The following SLC39A10 variants were observed in gnomAD, a reference collection of about 807,000 sequenced individuals.
SLC39A10 encodes the protein solute carrier family 39 member 10.
In SLC39A10, 13 loss-of-function variants were observed where a neutral mutation model predicts 65.1. The observed-to-expected ratio is 0.20, with a 90% CI of 0.13 to 0.32. SLC39A10 has a LOEUF of 0.32. Ranked by LOEUF, SLC39A10 falls within the 10% of genes least tolerant of loss-of-function variation. The pLI is 1.00. For synonymous variants in SLC39A10, 321 were observed against 342.2 expected, an observed-to-expected ratio of 0.94 and a Z score of 0.68; for missense variants, 831 against 1,018.4, an observed-to-expected ratio of 0.82 and a Z score of 2.50.
intron 2 of SLC39A10, among the ~76,000 whole-genome samples, chr2:195,625,519 C>G (rs953761452): frequency 5.3e-5 from 8 of 151,814 alleles, no homozygotes; most frequent in Non-Finnish European, 1.2e-4. Flanking sequence ...TCAGGTGATC[C>G]GCCCGCCTCG....
Position 195,683,708 on chromosome 2 carries a change from G to A in SLC39A10, c.1018G>A (p.Val340Ile), listed in dbSNP as rs770412859. The change falls in exon 3 of 10, where the codon GTC becomes ATC. Residue 340 changes from valine (V) to isoleucine (I), a missense_variant. By Grantham distance (29) the Val-to-Ile change is conservative. Transcript: ENST00000359634. ...ATCACTTTCCTTGCAGTGTTTGAAC[G>A]TCACTCAGTTATTAAAATACTATGG... ...EDDHHHECLNVTQLLKYYGHG... is the reference protein window; with the variant it reads ...EDDHHHECLNITQLLKYYGHG... The A allele has an allele frequency of 5.6e-6, 9 of 1,612,034 alleles. No individual in the cohort carries two copies. Among genetic ancestry groups the A allele is most frequent in the East Asian group, 2.2e-5 (1 of 44,806 alleles).
rs559890190 is a variant in SLC39A10, at chr2:195,684,854, G to C, written c.1216+948G>C. On this transcript the variant is annotated intron_variant, in intron 3 of 9. Transcript: ENST00000359634. ...TAAAATGCAAAGAGATTCTGACACA[G>C]AATTTTTTCTTTATAGTGATAGCTA... 1.8e-4 allele frequency among the ~76,000 whole-genome samples: 28 copies of C among 152,172 alleles called. No homozygotes were observed. The South Asian group carries it at 5.2e-3, about 28-fold the overall frequency.
chr2:195,653,554 A>G (rs957553020), upstream of SLC39A10, among the ~76,000 whole-genome samples: 3 of 152,006 alleles, frequency 2.0e-5, no homozygotes, highest in African/African-American at 4.8e-5. Context: ...CTTGGCCTCC[A>G]TAAGTGCTGG....
chr2:195,613,369 A>ATGCT (rs1688140102), intron 2 of SLC39A10, among the ~76,000 whole-genome samples: 1 of 152,136 alleles, frequency 6.6e-6, no homozygotes, highest in Admixed American at 6.5e-5. Context: ...CTTTGTTACT[A>ATGCT]TGCTTGTGCA....
chr2:195,634,033 T>A (rs1688649277), intron 2 of SLC39A10, among the ~76,000 whole-genome samples: 1 of 152,240 alleles, frequency 6.6e-6, no homozygotes, highest in South Asian at 2.1e-4. Flanking sequence ...GAAATTCAGA[T>A]TCAAAATCTT....
In SLC39A10 at chr2:195,616,116, G is replaced by A. The variant is rs903707830; in HGVS notation, c.-12+9883G>A. On this transcript the variant is annotated intron_variant, in intron 2 of 2. Coordinates refer to the SLC39A10 transcript ENST00000458054. Reference sequence around the variant, plus strand: ...GATTACAGGCATAAGCCACCAGTCCGGCTAATTTTTGTATTTTCAGTAGAG... The same window carrying A: ...GATTACAGGCATAAGCCACCAGTCCAGCTAATTTTTGTATTTTCAGTAGAG... Among the ~76,000 whole-genome samples the A allele has an allele frequency of 3.3e-5, 5 of 151,382 alleles. No homozygotes were observed. In the East Asian group the frequency reaches 5.9e-4, roughly 18 times the overall value.
At chr2:195,658,400 G>A (rs1689250969) in intron 1 of SLC39A10, 1 of 152,030 alleles carries the variant, frequency 6.6e-6, no homozygotes, top group African/African-American at 2.4e-5. Flanking sequence ...CAAAACACAT[G>A]TTAGAAAAAA....
At chr2:195,702,129 G>A (rs890748627) in intron 3 of SLC39A10, among the ~76,000 whole-genome samples, 13 of 152,182 alleles carry the variant, frequency 8.5e-5, no homozygotes, top group Admixed American at 7.9e-4. Flanking sequence ...GGAAAAAGAG[G>A]TGCTGGCCTT....
Position 195,680,797 on chromosome 2 carries a change from C to A in SLC39A10, c.755C>A (p.Pro252His), listed in dbSNP as rs964309160. 1.9e-6 allele frequency: 3 copies of A among 1,613,848 alleles called. No homozygotes were observed. Among genetic ancestry groups the A allele is most frequent in the Middle Eastern group, 1.6e-4 (1 of 6,084 alleles). ...TCTGAGGTTATTACACCAGGTTTTC[C>A]CCCTAACCATGATCAGGGTGAACAG... is the stretch of plus-strand genomic sequence containing the variant. ...ENSEVITPGFPPNHDQGEQYE... is the reference protein window; with the variant it reads ...ENSEVITPGFHPNHDQGEQYE... The change falls in exon 2 of 10, where the codon CCC becomes CAC. Residue 252 changes from proline to histidine, a missense_variant. By Grantham distance (77) the Pro-to-His change is moderately conservative. This residue lies in a region of SLC39A10 where 446 missense variants were observed against 499.2 expected (regional missense o/e 0.89). Transcript: ENST00000359634.
chr2:195,699,179 TTCTC>T (rs1236067900), intron 3 of SLC39A10, among the ~76,000 whole-genome samples: 8 of 152,014 alleles, frequency 5.3e-5, no homozygotes, highest in Admixed American at 3.9e-4. Flanking sequence ...AATTTGTATC[TTCTC>T]TCTTTTTCTT....
intron 8 of SLC39A10, among the ~76,000 whole-genome samples, chr2:195,725,096 A>G (rs1692187989): frequency 6.6e-6 from 1 of 152,146 alleles, no homozygotes; most frequent in South Asian, 2.1e-4. Context: ...AAAAGGAAGA[A>G]AGAAAAATAC....
chr2:195,659,558 C>T (rs1341467004), intron 1 of SLC39A10, among the ~76,000 whole-genome samples: 1 of 152,160 alleles, frequency 6.6e-6, no homozygotes, highest in East Asian at 1.9e-4. Context: ...ATATTCTGTT[C>T]ACCCAACCCT....
At chr2:195,679,905 C>T in intron 1 of SLC39A10, 127 bp from the exon 2 acceptor site, 1 of 658,798 alleles carries the variant, frequency 1.5e-6, no homozygotes, top group Non-Finnish European at 2.4e-6. Flanking sequence ...TGGTTCTTAA[C>T]ATATTTTATC....
At chr2:195,681,925 TTC>T (rs1690340311) in intron 2 of SLC39A10, among the ~76,000 whole-genome samples, 1 of 152,214 alleles carries the variant, frequency 6.6e-6, no homozygotes, top group Non-Finnish European at 1.5e-5. Flanking sequence ...CTAGCTTGTT[TTC>T]TCTGTGTCAC....
At chr2:195,699,707 A>G (rs1000708424) in intron 3 of SLC39A10, among the ~76,000 whole-genome samples, 47 of 152,112 alleles carry the variant, frequency 3.1e-4, no homozygotes, top group African/African-American at 8.2e-4. Context: ...TACATGGTCT[A>G]TCCTGGAAAA....
At chr2:195,674,524 G>A (rs972280323) in intron 1 of SLC39A10, 8 of 932,730 alleles carry the variant, frequency 8.6e-6, no homozygotes, top group Admixed American at 6.2e-5. Context: ...TGATCCACCC[G>A]CCTCGGCCTC....
chr2:195,735,776 GTT>G lies in SLC39A10; in HGVS notation c.*738_*739del, dbSNP rs902109377. 2.9e-5 allele frequency: 4 copies of G among 136,074 alleles called. No homozygotes were observed. The highest frequency in any genetic ancestry group is 8.3e-5 in the African/African-American group (3 of 36,232). The allele number at this position is 136,074 out of a possible 1,614,324, so 8.4% of individuals were successfully genotyped here. The stretch of plus-strand genomic sequence containing the variant: ...TACTTGGTGTTGGGGTGTTCTTTCT[GTT>G]TTGTTTTTTACTTTAATTTTGTTTT... On this transcript the variant is annotated 3_prime_UTR_variant, in exon 10 of 10. Coordinates refer to ENST00000359634, the MANE Select transcript of SLC39A10 (RefSeq NM_020342.3).
Position 195,676,705 on chromosome 2 carries a change from AAAG to A in SLC39A10, c.-11-3323_-11-3321del, listed in dbSNP as rs1211341910. On this transcript the variant is annotated intron_variant, in intron 1 of 9. Transcript: ENST00000359634. The stretch of plus-strand genomic sequence containing the variant: ...TATTTTCGTTAGTATAATTTTATAA[AAAG>A]AAGTCTTTAATACCTTGCTAATCTT... Among the ~76,000 whole-genome samples, 15 of 152,320 alleles carry A rather than the reference AAAG, an allele frequency of 9.8e-5. No homozygotes were observed. In the South Asian group the frequency reaches 2.9e-3, roughly 29 times the overall value.
intron 1 of SLC39A10, among the ~76,000 whole-genome samples, chr2:195,664,312 T>C (rs1348140819): frequency 2.6e-5 from 4 of 152,084 alleles, no homozygotes; most frequent in Non-Finnish European, 5.9e-5. Context: ...AAAAAAGAAA[T>C]AGATGTTAGG....
Sources: gnomAD v4.1 joint callset for allele counts (sites outside exome capture counted in the v4.1 genomes callset) on GRCh38, gnomAD v4.1.1 for gene constraint, gnomAD v4.1.1 regional missense constraint, MANE v1.5 for transcripts, NCBI Gene and HGNC (gene_info 2026-07-23, HGNC 2026-07-21) for gene names.